Variants in HCN1 observed in about 807,000 individuals in gnomAD.
HCN1 encodes the protein potassium/sodium hyperpolarization-activated cyclic nucleotide-gated channel 1.
Under a neutral mutation model 78.9 loss-of-function variants are expected in HCN1, and 13 were observed. The observed-to-expected ratio is 0.16, with a 90% CI of 0.11 to 0.26. The LOEUF is 0.26. HCN1 is among the 10% of genes least tolerant of loss of function. The pLI, the probability that HCN1 is intolerant of heterozygous loss-of-function variation, is 1.00. For missense variants in HCN1, 810 were observed against 1,154.3 expected (o/e 0.70, Z 4.32); for synonymous variants, 552 against 455.5 (o/e 1.21, Z -2.70).
At chr5:45,659,607 A>C (rs1295319013) in intron 1 of HCN1, among the ~76,000 whole-genome samples, 2 of 146,516 alleles carry the variant, frequency 1.4e-5, no homozygotes, top group Non-Finnish European at 3.0e-5. Flanking sequence ...AGAAGTGCTT[A>C]AAGGAGCTGA....
Position 45,267,159 on chromosome 5 carries a change from C to G in HCN1, c.1713G>C (p.Glu571Asp). 6.2e-7 allele frequency: 1 copy of G among 1,613,948 alleles called. No individual in the cohort carries two copies. The highest frequency in any genetic ancestry group is 1.1e-5 in the South Asian group (1 of 91,076). The change falls in exon 7 of 8, where the codon GAG becomes GAC. Residue 571 changes from glutamate to aspartate, a missense_variant. By Grantham distance (45) the Glu-to-Asp change is conservative. Transcript: ENST00000303230. ...LYSLSVDNFN[E>D]VLEEYPMMRR... is the part of the protein sequence containing the mutation. ...TCATCATTGGATATTCCTCCAGGAC[C>G]TCGTTGAAATTGTCCACGGAAAGTG...
intron 3 of HCN1, among the ~76,000 whole-genome samples, chr5:45,399,009 G>T (rs1739743151): frequency 6.6e-6 from 1 of 152,158 alleles, no homozygotes; most frequent in Non-Finnish European, 1.5e-5. Flanking sequence ...AGTGCCATGG[G>T]TATTGTCTTG....
intron 2 of HCN1, among the ~76,000 whole-genome samples, chr5:45,543,447 A>T (rs1456149648): frequency 6.6e-6 from 1 of 152,044 alleles, no homozygotes; most frequent in East Asian, 1.9e-4. Flanking sequence ...CTGTTACAAG[A>T]TTTTATCTTC....
At chr5:45,432,670 T>G (rs561993496) in intron 3 of HCN1, among the ~76,000 whole-genome samples, 1 of 152,114 alleles carries the variant, frequency 6.6e-6, no homozygotes. Context: ...CATGGCCTAG[T>G]GTGTTGAGGG....
chr5:45,326,814 C>G (rs1746242393), intron 5 of HCN1, among the ~76,000 whole-genome samples: 1 of 151,526 alleles, frequency 6.6e-6, no homozygotes, highest in African/African-American at 2.4e-5. Context: ...AATACACATG[C>G]AAATGAAGTT....
intron 1 of HCN1, among the ~76,000 whole-genome samples, chr5:45,656,232 CG>C (rs1367051898): frequency 6.6e-6 from 1 of 152,026 alleles, no homozygotes; most frequent in Non-Finnish European, 1.5e-5. Context: ...TAAGGAGTTC[CG>C]GGGGTTGCAT....
chr5:45,684,497 A>T (rs893705407), intron 1 of HCN1, among the ~76,000 whole-genome samples: 1 of 152,210 alleles, frequency 6.6e-6, no homozygotes, highest in Non-Finnish European at 1.5e-5. Flanking sequence ...ACAACTTTTA[A>T]AAAATACTAT....
chr5:45,388,967 C>A (rs1747983558), intron 4 of HCN1, among the ~76,000 whole-genome samples: 1 of 152,152 alleles, frequency 6.6e-6, no homozygotes, highest in African/African-American at 2.4e-5. Context: ...GAAGACCAGG[C>A]CAGTTTTGCC....
At chr5:45,314,409 T>C (rs987552076) in intron 5 of HCN1, among the ~76,000 whole-genome samples, 8 of 152,124 alleles carry the variant, frequency 5.3e-5, no homozygotes, top group Admixed American at 5.2e-4. Context: ...TGCAAAAACA[T>C]GCCACATTGT....
At chr5:45,296,730 G>A (rs1158499350) in intron 6 of HCN1, among the ~76,000 whole-genome samples, 6 of 151,934 alleles carry the variant, frequency 3.9e-5, no homozygotes, top group African/African-American at 7.2e-5. Context: ...AAAAAAGAAC[G>A]TAAACATTAT....
intron 2 of HCN1, among the ~76,000 whole-genome samples, chr5:45,541,002 T>A (rs988850754): frequency 1.3e-5 from 2 of 152,262 alleles, no homozygotes; most frequent in East Asian, 1.9e-4. Flanking sequence ...GACCGACTTA[T>A]CCTGATGAAA....
At chr5:45,443,647 A>G (rs1041333260) in intron 3 of HCN1, among the ~76,000 whole-genome samples, 3 of 152,138 alleles carry the variant, frequency 2.0e-5, no homozygotes, top group African/African-American at 7.2e-5. Flanking sequence ...TAGCAAATAC[A>G]ACACATTTAT....
chr5:45,601,492 A>G (rs1744623991), intron 2 of HCN1, among the ~76,000 whole-genome samples: 1 of 152,182 alleles, frequency 6.6e-6, no homozygotes, highest in African/African-American at 2.4e-5. Context: ...AAAATCTAGG[A>G]AATCAAATCA....
At chr5:45,374,954 T>C (rs1218385872) in intron 4 of HCN1, among the ~76,000 whole-genome samples, 5 of 142,450 alleles carry the variant, frequency 3.5e-5, no homozygotes, top group South Asian at 4.3e-4. Flanking sequence ...TATACTATAG[T>C]TTGTCGACAG....
intron 4 of HCN1, among the ~76,000 whole-genome samples, chr5:45,354,049 C>CAGAG (rs144134719): frequency 6.7e-6 from 1 of 149,818 alleles, no homozygotes; most frequent in African/African-American, 2.4e-5. Flanking sequence ...CACACACACC[C>CAGAG]AGAGAGAGAG....
chr5:45,521,165 G>C (rs1742605356), intron 2 of HCN1, among the ~76,000 whole-genome samples: 1 of 151,696 alleles, frequency 6.6e-6, no homozygotes, highest in African/African-American at 2.4e-5. Flanking sequence ...TATATAGAGA[G>C]AGCACCCTAA....
At chr5:45,434,596 G>A (rs1455316083) in intron 3 of HCN1, among the ~76,000 whole-genome samples, 1 of 152,240 alleles carries the variant, frequency 6.6e-6, no homozygotes, top group Non-Finnish European at 1.5e-5. Flanking sequence ...CAAAGCTGCA[G>A]ATTGAGAAGG....
At chr5:45,288,523 G>C (rs918028270) in intron 6 of HCN1, among the ~76,000 whole-genome samples, 3 of 152,010 alleles carry the variant, frequency 2.0e-5, no homozygotes, top group Non-Finnish European at 4.4e-5. Flanking sequence ...GAGCCCCTGG[G>C]TGTTACACAT....
intron 4 of HCN1, among the ~76,000 whole-genome samples, chr5:45,378,676 G>A (rs1357178314): frequency 6.6e-6 from 1 of 152,090 alleles, no homozygotes. Flanking sequence ...ACAACGTGCA[G>A]GTTTGTCACA....
Sources: allele counts gnomAD v4.1 joint callset (sites outside exome capture counted in the v4.1 genomes callset), GRCh38; gene constraint gnomAD v4.1.1; transcripts MANE v1.5; gene names NCBI Gene and HGNC (gene_info 2026-07-23, HGNC 2026-07-21).